The following CCDC85A variants were observed in gnomAD, a reference collection of about 807,000 sequenced individuals.
The protein encoded by CCDC85A is coiled-coil domain containing 85A, also known as coiled-coil domain-containing protein 85A.
CCDC85A carries 38 observed loss-of-function variants against 50.2 expected under a neutral mutation model. That is an observed-to-expected ratio of 0.76 (90% CI 0.58 to 0.99). The LOEUF is 0.99. Ranked by LOEUF, CCDC85A falls within the 50% of genes least tolerant of loss-of-function variation. The pLI is 0.00. For synonymous variants in CCDC85A, 366 were observed against 301.4 expected (o/e 1.21, Z -2.22); for missense variants, 820 against 742.0 (o/e 1.11, Z -1.22).
chr2:56,200,830 A>G (rs537308412), intron 2 of CCDC85A, among the ~76,000 whole-genome samples: 4 of 152,136 alleles, frequency 2.6e-5, no homozygotes, highest in African/African-American at 9.6e-5. Context: ...TCAAATCATT[A>G]TGGAAGAATA....
intron 2 of CCDC85A, among the ~76,000 whole-genome samples, chr2:56,284,412 G>T (rs1671338091): frequency 6.6e-6 from 1 of 152,042 alleles, no homozygotes; most frequent in African/African-American, 2.4e-5. Flanking sequence ...CACTCTTGTT[G>T]CCCAGGTTGG....
At chr2:56,306,104 T>G (rs1672431538) in intron 2 of CCDC85A, among the ~76,000 whole-genome samples, 1 of 152,172 alleles carries the variant, frequency 6.6e-6, no homozygotes, top group Non-Finnish European at 1.5e-5. Context: ...CTCCTTTTAC[T>G]GTAAGTTTTG....
intron 2 of CCDC85A, among the ~76,000 whole-genome samples, chr2:56,285,714 T>C (rs1255523411): frequency 1.3e-5 from 2 of 151,662 alleles, no homozygotes. Flanking sequence ...CTATACTATA[T>C]GCATTATGAA....
chr2:56,302,082 C>A (rs879706744), intron 2 of CCDC85A, among the ~76,000 whole-genome samples: 1 of 151,860 alleles, frequency 6.6e-6, no homozygotes, highest in Non-Finnish European at 1.5e-5. Context: ...AAGGTGAAAT[C>A]CCATCTCTAC....
At chr2:56,339,897 A>G (rs2104315680) in intron 2 of CCDC85A, among the ~76,000 whole-genome samples, 1 of 152,378 alleles carries the variant, frequency 6.6e-6, no homozygotes, top group Non-Finnish European at 1.5e-5. Flanking sequence ...TTTATGCTGC[A>G]TACTTTTCCC....
chr2:56,367,441 A>G (rs13411115), intron 3 of CCDC85A, among the ~76,000 whole-genome samples: 20,397 of 152,156 alleles, frequency 0.13, 1,443 homozygotes, highest in African/African-American at 0.18. Flanking sequence ...AAAATCTGCT[A>G]TAGAGCTGTC....
chr2:56,276,826 T>G (rs1670969132), intron 2 of CCDC85A, among the ~76,000 whole-genome samples: 1 of 152,222 alleles, frequency 6.6e-6, no homozygotes, highest in South Asian at 2.1e-4. Flanking sequence ...TATTGTATTT[T>G]AACTTGAAGG....
chr2:56,232,574 C>T (rs1573066491), intron 2 of CCDC85A, among the ~76,000 whole-genome samples: 1 of 152,152 alleles, frequency 6.6e-6, no homozygotes, highest in Non-Finnish European at 1.5e-5. Context: ...CCCTCATTCT[C>T]TCTCCTTCCA....
At chr2:56,285,092 CTTTTCTTTCTTT>C (rs983699008) in intron 2 of CCDC85A, among the ~76,000 whole-genome samples, 49 of 150,590 alleles carry the variant, frequency 3.3e-4, no homozygotes, top group African/African-American at 9.2e-4. Context: ...ACTTACCTTT[CTTTTCTTTCTTT>C]TTTTTTTTTC....
At chr2:56,253,747 G>A (rs1025447284) in intron 2 of CCDC85A, among the ~76,000 whole-genome samples, 1 of 152,178 alleles carries the variant, frequency 6.6e-6, no homozygotes, top group Non-Finnish European at 1.5e-5. Flanking sequence ...ACTTATTGAT[G>A]GATTAGCCAT....
chr2:56,216,141 A>G (rs1677384050), intron 2 of CCDC85A, among the ~76,000 whole-genome samples: 1 of 151,908 alleles, frequency 6.6e-6, no homozygotes, highest in South Asian at 2.1e-4. Flanking sequence ...CATTGGATGA[A>G]TATTCCACAA....
chr2:56,202,071 TA>T (rs774183236), intron 2 of CCDC85A, among the ~76,000 whole-genome samples: 19 of 152,200 alleles, frequency 1.2e-4, no homozygotes, highest in Non-Finnish European at 1.3e-4. Context: ...ATGTTAATGA[TA>T]AAGACCCTAA....
chr2:56,377,686 A>G lies in CCDC85A; in HGVS notation c.1572+1751A>G, dbSNP rs186224064. 4.6e-5 allele frequency among the ~76,000 whole-genome samples: 7 copies of G among 152,246 alleles called. No individual in the cohort carries two copies. The East Asian group carries it at 1.4e-3, about 29-fold the overall frequency. On this transcript the variant is annotated intron_variant, in intron 5 of 5. Transcript: ENST00000407595. ...GGCGGATCATGAGGTCAGGAGTTTG[A>G]GACCAGCCTGGCCAACATAGTGAAA...
chr2:56,324,980 G>A (rs1187867917), intron 2 of CCDC85A, among the ~76,000 whole-genome samples: 1 of 151,736 alleles, frequency 6.6e-6, no homozygotes, highest in Non-Finnish European at 1.5e-5. Flanking sequence ...CTAAACAGTT[G>A]AAATGACCAT....
intron 2 of CCDC85A, among the ~76,000 whole-genome samples, chr2:56,301,087 AT>A (rs1281410280): frequency 2.6e-5 from 4 of 152,202 alleles, no homozygotes; most frequent in Admixed American, 6.6e-5. Flanking sequence ...CACCTGAAAT[AT>A]TTATTTAGAA....
At chr2:56,290,096 C>G (rs993278407) in intron 2 of CCDC85A, among the ~76,000 whole-genome samples, 3 of 152,054 alleles carry the variant, frequency 2.0e-5, no homozygotes, top group African/African-American at 7.2e-5. Flanking sequence ...TGGCCACATC[C>G]TTCTATAATT....
At chr2:56,347,473 A>G (rs1674684143) in intron 3 of CCDC85A, among the ~76,000 whole-genome samples, 1 of 152,218 alleles carries the variant, frequency 6.6e-6, no homozygotes, top group African/African-American at 2.4e-5. Flanking sequence ...TAGCCATCTG[A>G]GATTTGTTAG....
At chr2:56,287,985 T>C (rs1304705910) in intron 2 of CCDC85A, among the ~76,000 whole-genome samples, 1 of 152,216 alleles carries the variant, frequency 6.6e-6, no homozygotes, top group East Asian at 1.9e-4. Flanking sequence ...AGAGGCCCTC[T>C]GGGGAAGCTT....
chr2:56,301,766 C>CATGG (rs1243659265), intron 2 of CCDC85A, among the ~76,000 whole-genome samples: 1 of 152,032 alleles, frequency 6.6e-6, no homozygotes, highest in African/African-American at 2.4e-5. Flanking sequence ...AATGAGAACA[C>CATGG]ATGGACACAG....
Sources: allele counts gnomAD v4.1 joint callset (sites outside exome capture counted in the v4.1 genomes callset), GRCh38; gene constraint gnomAD v4.1.1; transcripts MANE v1.5; gene names NCBI Gene and HGNC (gene_info 2026-07-23, HGNC 2026-07-21).